EEF1AKMT1: variants seen among roughly 807,000 people sequenced by gnomAD.
EEF1AKMT1 encodes the protein N-6 adenine-specific DNA methyltransferase 2 (putative).
In EEF1AKMT1, 18 loss-of-function variants were observed where a neutral mutation model predicts 21.0. That is an observed-to-expected ratio of 0.86 (90% CI 0.59 to 1.27). EEF1AKMT1 has a LOEUF of 1.27. EEF1AKMT1 is among the 50% of genes most tolerant of loss of function. The pLI is 0.00. For missense variants in EEF1AKMT1, 246 were observed against 258.6 expected (o/e 0.95, Z 0.33); for synonymous variants, 109 against 94.8 (o/e 1.15, Z -0.87).
intron 1 of EEF1AKMT1, among the ~76,000 whole-genome samples, chr13:20,764,651 T>C (rs2059017876): frequency 6.6e-6 from 1 of 152,154 alleles, no homozygotes; most frequent in African/African-American, 2.4e-5. Context: ...GTTCTATCAG[T>C]TTTTATTTCA....
chr13:20,734,630 C>T (rs2058816507), intron 3 of EEF1AKMT1, among the ~76,000 whole-genome samples: 1 of 149,592 alleles, frequency 6.7e-6, no homozygotes. Flanking sequence ...GTCTCGCGCT[C>T]ACGCTCAGGC....
intron 1 of EEF1AKMT1, among the ~76,000 whole-genome samples, chr13:20,767,270 C>T (rs916388878): frequency 1.0e-4 from 14 of 136,038 alleles, no homozygotes; most frequent in Admixed American, 8.4e-5. Context: ...CTTGCCACTG[C>T]ACTCCTGCCT....
At chr13:20,770,018 T>C (rs2059055083) in intron 1 of EEF1AKMT1, among the ~76,000 whole-genome samples, 1 of 151,774 alleles carries the variant, frequency 6.6e-6, no homozygotes, top group African/African-American at 2.4e-5. Flanking sequence ...AATAATGAAA[T>C]GAAAAACTAA....
chr13:20,765,089 G>A (rs1211222424), intron 1 of EEF1AKMT1, among the ~76,000 whole-genome samples: 2 of 151,738 alleles, frequency 1.3e-5, no homozygotes, highest in African/African-American at 2.4e-5. Context: ...ACGAAACCCC[G>A]TCTCTACTAA....
Position 20,731,992 on chromosome 13 carries a change from A to G in EEF1AKMT1, c.357T>C (p.Asp119=), listed in dbSNP as rs765858954. 2 of 1,614,228 alleles carry G rather than the reference A, an allele frequency of 1.2e-6. No individual in the cohort carries two copies. The highest frequency in any genetic ancestry group is 2.2e-5 in the South Asian group (2 of 91,088). Residue 119 remains aspartate, a synonymous_variant, in exon 4 of 5, where the codon GAT becomes GAC. Transcript: ENST00000382758. ...AMYGEEFIFY[D]YNNPLDLPER... ...CGGGTAAGTCCAATGGATTATTGTA[A>G]TCATAGAAAATAAACTCCTCTCCAT...
rs762522651 is a variant in EEF1AKMT1 at position 20,737,714 on chromosome 13, G to A, written c.227+9C>T. The A allele has an allele frequency of 6.2e-7, 1 of 1,608,740 alleles. No individual in the cohort carries two copies. Among genetic ancestry groups the A allele is most frequent in the East Asian group, 2.2e-5 (1 of 44,812 alleles). On this transcript the variant is annotated intron_variant, in intron 3 of 4. Transcript: ENST00000382758. ...ATTAGATGCCAAAAAGAGAAAATTT[G>A]AATCTCACCTGCCACCTTCTCCTAC...
intron 2 of EEF1AKMT1, among the ~76,000 whole-genome samples, chr13:20,748,678 A>T (rs1225763001): frequency 6.9e-6 from 1 of 144,308 alleles, no homozygotes; most frequent in African/African-American, 2.6e-5. Context: ...TCTCATACAC[A>T]TCATTTGCCT....
chr13:20,749,012 G>A (rs2058926713), intron 2 of EEF1AKMT1, among the ~76,000 whole-genome samples: 2 of 152,186 alleles, frequency 1.3e-5, no homozygotes, highest in Admixed American at 1.3e-4. Context: ...TTACAGGCGT[G>A]AGCCATCGTG....
chr13:20,772,370 C>T (rs1315767825), intron 1 of EEF1AKMT1, among the ~76,000 whole-genome samples: 3 of 152,088 alleles, frequency 2.0e-5, no homozygotes, highest in African/African-American at 7.2e-5. Flanking sequence ...GCCCTTTTGT[C>T]GCTAAGGGGA....
chr13:20,768,024 T>C (rs561387807), intron 1 of EEF1AKMT1, among the ~76,000 whole-genome samples: 1 of 152,360 alleles, frequency 6.6e-6, no homozygotes, highest in East Asian at 1.9e-4. Context: ...TCAATTTTCC[T>C]CTAGCTTTTT....
chr13:20,759,909 C>T (rs986537913), intron 1 of EEF1AKMT1, among the ~76,000 whole-genome samples: 2 of 152,058 alleles, frequency 1.3e-5, no homozygotes, highest in African/African-American at 2.4e-5. Context: ...TTGAAACCAT[C>T]CTAGCTAACA....
rs1051132438 is a variant in EEF1AKMT1 at position 20,742,236 on chromosome 13, T to G, written c.145-4431A>C. The stretch of plus-strand genomic sequence containing the variant: ...TCCCTGTTGTACAGTTGAGTATCTT[T>G]TCCTATATTTAATTTTTATTTTTAT... On this transcript the variant is annotated intron_variant, in intron 2 of 4. Transcript: ENST00000382758. Among the ~76,000 whole-genome samples, 4 of 152,186 alleles carry G rather than the reference T, an allele frequency of 2.6e-5. No homozygotes were observed. The East Asian group carries it at 7.7e-4, about 29-fold the overall frequency.
intron 1 of EEF1AKMT1, 66 bp downstream of exon 1, chr13:20,773,855 A>C (rs1158684073): frequency 6.6e-6 from 1 of 152,532 alleles, no homozygotes; most frequent in African/African-American, 2.4e-5. Context: ...AAGGCACCTA[A>C]CCCAGTCCAA....
intron 3 of EEF1AKMT1, among the ~76,000 whole-genome samples, chr13:20,732,823 T>G (rs1431487319): frequency 1.3e-5 from 2 of 152,240 alleles, no homozygotes; most frequent in African/African-American, 4.8e-5. Context: ...AAAGTCATTT[T>G]GTAATATTCA....
At chr13:20,738,381 C>G (rs1424679805) in intron 2 of EEF1AKMT1, among the ~76,000 whole-genome samples, 1 of 152,174 alleles carries the variant, frequency 6.6e-6, no homozygotes, top group African/African-American at 2.4e-5. Flanking sequence ...TAAAAAATTT[C>G]TAGTGATCTT....
chr13:20,770,635 G>T (rs1044728158), intron 1 of EEF1AKMT1, among the ~76,000 whole-genome samples: 2 of 152,096 alleles, frequency 1.3e-5, no homozygotes, highest in Non-Finnish European at 2.9e-5. Flanking sequence ...CAACTAAAAG[G>T]TTTCAATTTG....
At chr13:20,741,066 G>A (rs1303001625) in intron 2 of EEF1AKMT1, among the ~76,000 whole-genome samples, 3 of 151,962 alleles carry the variant, frequency 2.0e-5, no homozygotes, top group African/African-American at 7.2e-5. Flanking sequence ...AGATTCTCCA[G>A]TTTGTTTAGT....
chr13:20,749,020 G>A (rs61955734), intron 2 of EEF1AKMT1, among the ~76,000 whole-genome samples: 303 of 152,218 alleles, frequency 2.0e-3, no homozygotes, highest in South Asian at 7.5e-3. Flanking sequence ...GTGAGCCATC[G>A]TGCCCAGCCC....
intron 2 of EEF1AKMT1, among the ~76,000 whole-genome samples, chr13:20,749,163 C>A (rs2058927792): frequency 6.6e-6 from 1 of 152,160 alleles, no homozygotes; most frequent in Non-Finnish European, 1.5e-5. Flanking sequence ...TAAGTAAATG[C>A]ATGACTGTTT....
Sources: gnomAD v4.1 joint callset for allele counts (sites outside exome capture counted in the v4.1 genomes callset) on GRCh38, gnomAD v4.1.1 for gene constraint, MANE v1.5 for transcripts, NCBI Gene and HGNC (gene_info 2026-07-23, HGNC 2026-07-21) for gene names.